The following PRR12 variants were observed in gnomAD, a reference collection of about 807,000 sequenced individuals.
PRR12 encodes the protein proline rich 12, also known as proline-rich protein 12.
Under a neutral mutation model 138.0 loss-of-function variants are expected in PRR12, and 12 were observed. The ratio of observed to expected loss-of-function variants is 0.09; its 90% CI spans 0.06 to 0.14. PRR12 has a LOEUF of 0.14. Among genes scored for constraint, PRR12 ranks in the 10% least tolerant of loss-of-function variants. The probability of loss-of-function intolerance (pLI) is 1.00; values close to 1 mark genes in which losing one functional copy is unlikely to be tolerated. For synonymous variants in PRR12, 1,567 were observed against 1,291.7 expected, an observed-to-expected ratio of 1.21 and a Z score of -4.57; for missense variants, 2,692 against 2,861.3, an observed-to-expected ratio of 0.94 and a Z score of 1.35.
rs1461307426 is a variant in PRR12 at position 49,609,458 on chromosome 19, G to A, written c.4774-5075G>A. Among the ~76,000 whole-genome samples the A allele has an allele frequency of 1.1e-4, 16 of 151,906 alleles. 1 individual carries two copies. Among genetic ancestry groups the A allele is most frequent in the Admixed American group, 8.5e-4 (13 of 15,218 alleles). ...TCTACTAAGAATACAAAAATTAGCCGGACATGGTGGCGGGTCCCTGTAATC... is the reference window on the plus strand; with the variant it reads ...TCTACTAAGAATACAAAAATTAGCCAGACATGGTGGCGGGTCCCTGTAATC... On this transcript the variant is annotated intron_variant, in intron 6 of 13. Transcript: ENST00000418929.
In PRR12 at chr19:49,594,136, C is replaced by T. The variant is rs948802194; in HGVS notation, c.200-318C>T. Among the ~76,000 whole-genome samples, 6 of 152,206 alleles carry T rather than the reference C, an allele frequency of 3.9e-5. No homozygotes were observed. Among genetic ancestry groups the T allele is most frequent in the African/African-American group, 1.4e-4 (6 of 41,444 alleles). Reference sequence around the variant, plus strand: ...AAATTTGGTCTCCCTCCCAGCCTTACTGAGGACTCTGTTCTTTTGCTCCTG... The same window carrying T: ...AAATTTGGTCTCCCTCCCAGCCTTATTGAGGACTCTGTTCTTTTGCTCCTG... On this transcript the variant is annotated intron_variant, in intron 2 of 13. Transcript: ENST00000418929. This position sits in a 1 kb window ranked among gnomAD's most constrained non-coding sequence, Gnocchi z 5.6.
At chr19:49,609,033 A>G (rs2080852539) in intron 6 of PRR12, among the ~76,000 whole-genome samples, 1 of 151,946 alleles carries the variant, frequency 6.6e-6, no homozygotes. Flanking sequence ...CTGGGTGGAG[A>G]CTGGGCACAG....
intron 5 of PRR12, among the ~76,000 whole-genome samples, chr19:49,600,568 G>A (rs941600788): frequency 2.0e-5 from 3 of 151,774 alleles, no homozygotes; most frequent in Non-Finnish European, 4.4e-5. Context: ...CAGGAGGATC[G>A]CTTGAGCCCA....
Position 49,596,694 on chromosome 19 carries a change from G to A in PRR12, c.2359G>A (p.Gly787Ser), listed in dbSNP as rs1436554159. 1 of 1,606,132 alleles carries A rather than the reference G, an allele frequency of 6.2e-7. No individual in the cohort carries two copies. The highest frequency in any genetic ancestry group is 1.3e-5 in the African/African-American group (1 of 74,780). ...TPHGLLLEAG[G>S]PDLPLVLPPP... ...CCATGGCCTCCTTCTGGAGGCCGGG[G>A]GCCCTGACCTCCCACTGGTGCTGCC... The change falls in exon 4 of 14, where the codon GGC becomes AGC. Residue 787 changes from glycine (G) to serine (S), a missense_variant. This residue lies in a region of PRR12 where 840 missense variants were observed against 689.8 expected (regional missense o/e 1.22). Transcript: ENST00000418929. The surrounding 1 kb of genome is among the most constrained non-coding windows in gnomAD (Gnocchi z 5.6).
chr19:49,597,956 G>C lies in PRR12; in HGVS notation c.3621G>C (p.Arg1207=), dbSNP rs759309817. 5.6e-5 allele frequency: 78 copies of C among 1,401,650 alleles called. No individual in the cohort carries two copies. The highest frequency in any genetic ancestry group is 6.8e-5 in the Non-Finnish European group (74 of 1,081,600). The allele number at this position is 1,401,650 out of a possible 1,614,324, so 86.8% of individuals were successfully genotyped here. A position where few individuals can be genotyped will look rare whatever the true frequency, so the allele number is the denominator to read the frequency against. The stretch of plus-strand genomic sequence containing the variant: ...AACCCCGGGGCCGGGGCCGAGGCCG[G>C]GGTCGAAAGGCTGAGGAGGCAGGGG... ...AKKPRGRGRG[R]GRKAEEAGGT... The change falls in exon 4 of 14, where the codon CGG becomes CGC. Residue 1207 remains arginine, a synonymous_variant. Transcript: ENST00000418929. The surrounding 1 kb of genome is among the most constrained non-coding windows in gnomAD (Gnocchi z 6.3).
chr19:49,599,551 C>A lies in PRR12; in HGVS notation c.3958C>A (p.Arg1320=). 1 of 1,595,228 alleles carries A rather than the reference C, an allele frequency of 6.3e-7. No homozygotes were observed. Among genetic ancestry groups the A allele is most frequent in the Non-Finnish European group, 8.5e-7 (1 of 1,171,344 alleles). ...PKSVPPSVPA[R]GLQPQPPATP... ...GAGTGTGCCACCCTCTGTGCCAGCC[C>A]GAGGCCTGCAGCCCCAGCCCCCTGC... Residue 1320 remains arginine, a synonymous_variant, in exon 5 of 14, where the codon CGA becomes AGA. Transcript: ENST00000418929. The surrounding 1 kb of genome is among the most constrained non-coding windows in gnomAD (Gnocchi z 5.0).
In PRR12 at chr19:49,606,302, ACTTTTTTTTCTT is replaced by A. The variant is rs1309398560; in HGVS notation, c.4773+4394_4773+4405del. Among the ~76,000 whole-genome samples, 5 of 143,640 alleles carry A rather than the reference ACTTTTTTTTCTT, an allele frequency of 3.5e-5. No individual in the cohort carries two copies. The East Asian group carries it at 1.0e-3, about 29-fold the overall frequency. 94.2% of individuals were successfully genotyped at this position (143,640 alleles called of 152,430 possible). On this transcript the variant is annotated intron_variant, in intron 6 of 13. Transcript: ENST00000418929. ...TGCCGGTGTGAGCCACTGTGTCTGGACTTTTTTTTCTTCTTTTTTTTTTTTTTGAGACAGAGT... is the reference window on the plus strand; with the variant it reads ...TGCCGGTGTGAGCCACTGTGTCTGGACTTTTTTTTTTTTTTGAGACAGAGT...
intron 11 of PRR12, 167 bp downstream of exon 11, chr19:49,621,789 T>C (rs2080924904): frequency 1.6e-5 from 10 of 616,310 alleles, no homozygotes; most frequent in Non-Finnish European, 2.3e-5. Context: ...CTCTGGGTTC[T>C]CAACAGCCAT....
chr19:49,592,896 G>A (rs2080738545), intron 1 of PRR12, among the ~76,000 whole-genome samples: 2 of 151,924 alleles, frequency 1.3e-5, no homozygotes, highest in Non-Finnish European at 2.9e-5. Context: ...ATGTGTTCCC[G>A]TGTGTCTACG....
In PRR12 at chr19:49,625,712, G is replaced by C. The variant is rs2080951559; in HGVS notation, c.*105G>C. On this transcript the variant is annotated 3_prime_UTR_variant, in exon 14 of 14. Coordinates refer to ENST00000418929, the MANE Select transcript of PRR12 (RefSeq NM_020719.3). The surrounding 1 kb of genome is among the most constrained non-coding windows in gnomAD (Gnocchi z 5.5). ...CTGGGCTCCATCGCCGGGGAAAGGG[G>C]GTCATGGGTCAGGGTGTGTCTGTGC... 4 of 1,419,214 alleles carry C rather than the reference G, an allele frequency of 2.8e-6. No homozygotes were observed. The South Asian group carries it at 5.9e-5, about 21-fold the overall frequency. The allele number at this position is 1,419,214 out of a possible 1,614,324, so 87.9% of individuals were successfully genotyped here.
intron 6 of PRR12, among the ~76,000 whole-genome samples, chr19:49,611,224 G>A (rs2080864327): frequency 6.6e-6 from 1 of 152,170 alleles, no homozygotes; most frequent in Non-Finnish European, 1.5e-5. Flanking sequence ...TTGGTGGGTA[G>A]GTGGCTGAGG....
intron 11 of PRR12, among the ~76,000 whole-genome samples, chr19:49,622,927 A>ATATATATATT (rs2080932498): frequency 1.4e-5 from 1 of 73,832 alleles, no homozygotes; most frequent in African/African-American, 6.4e-5. Context: ...ATATATATAT[A>ATATATATATT]TAGAGAGAGA....
chr19:49,600,055 T>G (rs1218056600), intron 5 of PRR12, 117 bp downstream of exon 5: 3 of 1,174,922 alleles, frequency 2.6e-6, no homozygotes, highest in Non-Finnish European at 3.5e-6. Flanking sequence ...TGGTGTAAGC[T>G]TGCGTGTTTA....
chr19:49,596,320 T>C lies in PRR12; in HGVS notation c.1985T>C (p.Val662Ala), dbSNP rs1384732484. Residue 662 changes from valine (V) to alanine (A), a missense_variant, in exon 4 of 14, where the codon GTG (valine) becomes GCG (alanine). Physicochemically the swap from Val to Ala is moderately conservative, Grantham distance 64 (BLOSUM62 0). This residue lies in a region of PRR12 where 840 missense variants were observed against 689.8 expected (regional missense o/e 1.22). Transcript: ENST00000418929. The surrounding 1 kb of genome is among the most constrained non-coding windows in gnomAD (Gnocchi z 5.6). Reference sequence around the variant, plus strand: ...CGGACCTCAGGGGCGGACGGCTTGGTGGGCGAGGACGGGGCAGCAGATGCC... The same window carrying C: ...CGGACCTCAGGGGCGGACGGCTTGGCGGGCGAGGACGGGGCAGCAGATGCC... Reference protein sequence around the residue: ...PPRTSGADGLVGEDGAADASK... With the variant: ...PPRTSGADGLAGEDGAADASK... The C allele has an allele frequency of 2.5e-6, 4 of 1,609,824 alleles. No homozygotes were observed. In the Admixed American group the frequency reaches 6.7e-5, roughly 27 times the overall value.
In PRR12 at chr19:49,596,497, G is replaced by A. The variant is rs1363691454; in HGVS notation, c.2162G>A (p.Gly721Asp). 1.9e-6 allele frequency: 3 copies of A among 1,610,194 alleles called. No individual in the cohort carries two copies. The highest frequency in any genetic ancestry group is 2.2e-5 in the East Asian group (1 of 44,846). The change falls in exon 4 of 14, where the codon GGC becomes GAC. Residue 721 changes from glycine to aspartate, a missense_variant. Transcript: ENST00000418929. This position sits in a 1 kb window ranked among gnomAD's most constrained non-coding sequence, Gnocchi z 5.6. ...DEGATAALEL[G>D]LGRLKEKKKG... is the part of the protein sequence containing the mutation. The stretch of plus-strand genomic sequence containing the variant: ...GGTGCCACTGCGGCACTGGAGCTGG[G>A]CCTGGGGAGGCTGAAGGAGAAGAAG...
chr19:49,603,107 T>C lies in PRR12; in HGVS notation c.4773+1189T>C, dbSNP rs115109598. Among the ~76,000 whole-genome samples, 224 of 152,338 alleles carry C rather than the reference T, an allele frequency of 1.5e-3. 1 individual carries two copies. The highest frequency in any genetic ancestry group is 5.1e-3 in the African/African-American group (214 of 41,568). On this transcript the variant is annotated intron_variant, in intron 6 of 13. Transcript: ENST00000418929. ...AGCTGGCCCTCAATGGCAAAAAATA[T>C]CTCTGGCTCATCATGAATAAAGTTT...
intron 2 of PRR12, among the ~76,000 whole-genome samples, chr19:49,593,933 G>A (rs1325472294): frequency 1.3e-5 from 2 of 152,126 alleles, no homozygotes; most frequent in African/African-American, 4.8e-5. Flanking sequence ...TAGGGGTACT[G>A]GTAATGACAT....
At chr19:49,623,490 G>GGT (rs1024519075) in intron 11 of PRR12, among the ~76,000 whole-genome samples, 2 of 152,078 alleles carry the variant, frequency 1.3e-5, no homozygotes, top group African/African-American at 4.8e-5. Flanking sequence ...AAATTAGCCG[G>GGT]GTGTGGTGGT....
Position 49,599,341 on chromosome 19 carries a change from G to A in PRR12, c.3748G>A (p.Asp1250Asn). 3 of 1,613,282 alleles carry A rather than the reference G, an allele frequency of 1.9e-6. No homozygotes were observed. The highest frequency in any genetic ancestry group is 2.5e-6 in the Non-Finnish European group (3 of 1,179,796). ...TSSGDAISGT[D>N]HNSLDSSLTR... Reference sequence around the variant, plus strand: ...ATCGGGTGATGCCATATCAGGCACTGACCACAACAGCCTGGACTCGAGCCT... The same window carrying A: ...ATCGGGTGATGCCATATCAGGCACTAACCACAACAGCCTGGACTCGAGCCT... Residue 1250 changes from aspartate to asparagine, a missense_variant, in exon 5 of 14, where the codon GAC becomes AAC. Asp to Asn is a conservative substitution (Grantham distance 23, BLOSUM62 1). Around this residue, in one of 11 missense-constraint regions of PRR12, gnomAD observed 326 missense variants for 344.2 expected, o/e 0.95. Coordinates refer to ENST00000418929, the MANE Select transcript of PRR12 (RefSeq NM_020719.3). The surrounding 1 kb of genome is among the most constrained non-coding windows in gnomAD (Gnocchi z 5.0).
Sources: allele counts gnomAD v4.1 joint callset (sites outside exome capture counted in the v4.1 genomes callset), GRCh38; gene constraint gnomAD v4.1.1; regional missense constraint gnomAD v4.1.1; non-coding constraint Gnocchi (gnomAD v3.1); transcripts MANE v1.5; gene names NCBI Gene and HGNC (gene_info 2026-07-23, HGNC 2026-07-21).